RAB3IL1: variants seen among roughly 807,000 people sequenced by gnomAD.
The protein encoded by RAB3IL1 is guanine nucleotide exchange factor for Rab-3A.
Under a neutral mutation model 49.2 loss-of-function variants are expected in RAB3IL1, and 37 were observed. That is an observed-to-expected ratio of 0.75 (90% CI 0.58 to 0.99). The LOEUF is 0.99. Ranked by LOEUF, RAB3IL1 falls within the 50% of genes least tolerant of loss-of-function variation. The pLI is 0.00. For missense variants in RAB3IL1, 484 were observed against 513.0 expected, an observed-to-expected ratio of 0.94 and a Z score of 0.55; for synonymous variants, 193 against 213.9, an observed-to-expected ratio of 0.90 and a Z score of 0.85.
intron 8 of RAB3IL1, among the ~76,000 whole-genome samples, chr11:61,901,685 G>C (rs73491231): frequency 0.019 from 2,899 of 152,308 alleles, 93 homozygotes; most frequent in African/African-American, 0.066. Flanking sequence ...TCTAGAAGCT[G>C]AGGGTGTCCC....
chr11:61,922,313 G>A (rs1035790941), upstream of RAB3IL1, among the ~76,000 whole-genome samples: 7 of 152,070 alleles, frequency 4.6e-5, no homozygotes, highest in Middle Eastern at 3.4e-3. Flanking sequence ...CTCTGAGGTT[G>A]GGAGTTTGAG....
chr11:61,930,306 C>G, the RAB3IL1 span, among the ~76,000 whole-genome samples: 50 of 152,122 alleles, frequency 3.3e-4, no homozygotes, highest in East Asian at 7.9e-3. Context: ...AAAAAATGTT[C>G]TAGAGATGGA....
At chr11:61,926,104 C>CAAAAAAAAAAAAAAAAAAAA in the RAB3IL1 span, among the ~76,000 whole-genome samples, 6 of 64,062 alleles carry the variant, frequency 9.4e-5, no homozygotes, top group African/African-American at 1.8e-4. Flanking sequence ...TCCTTCCTGC[C>CAAAAAAAAAAAAAAAAAAAA]AAAAAAAAAA....
In RAB3IL1 at chr11:61,911,844, G is replaced by A. The variant is rs534739633; in HGVS notation, c.12-3538C>T. 2.0e-5 allele frequency among the ~76,000 whole-genome samples: 3 copies of A among 152,278 alleles called. No homozygotes were observed. The South Asian group carries it at 6.2e-4, about 32-fold the overall frequency. On this transcript the variant is annotated intron_variant, in intron 1 of 9. Transcript: ENST00000394836. Reference sequence around the variant, plus strand: ...AAGGCCCCACGGGTCACTTCCCCAGGAAACACACAACCAAAAGAAAATGCA... The same window carrying A: ...AAGGCCCCACGGGTCACTTCCCCAGAAAACACACAACCAAAAGAAAATGCA...
intron 1 of RAB3IL1, among the ~76,000 whole-genome samples, chr11:61,915,219 G>C (rs1939624964): frequency 6.6e-6 from 1 of 152,158 alleles, no homozygotes; most frequent in Non-Finnish European, 1.5e-5. Context: ...GGTGCATGCA[G>C]GAAGTGAGCC....
the RAB3IL1 span, among the ~76,000 whole-genome samples, chr11:61,930,895 A>G: frequency 2.0e-5 from 3 of 152,242 alleles, no homozygotes; most frequent in South Asian, 6.2e-4. Flanking sequence ...AGATAGATAT[A>G]ACCATCTAAA....
At chr11:61,918,163 A>G (rs1397477838), upstream of RAB3IL1, among the ~76,000 whole-genome samples, 3 of 150,672 alleles carry the variant, frequency 2.0e-5, no homozygotes, top group African/African-American at 4.9e-5. Flanking sequence ...ACACACACAC[A>G]TACACACACC....
chr11:61,944,183 C>CTT, the RAB3IL1 span, among the ~76,000 whole-genome samples: 1 of 151,232 alleles, frequency 6.6e-6, no homozygotes, highest in African/African-American at 2.4e-5. Context: ...TACCTCCTTC[C>CTT]CTTCCTTCCC....
chr11:61,941,015 G>A, the RAB3IL1 span, among the ~76,000 whole-genome samples: 1 of 152,078 alleles, frequency 6.6e-6, no homozygotes, highest in Non-Finnish European at 1.5e-5. Context: ...TTGAGCCTAG[G>A]AATTCAAGGT....
At chr11:61,907,312 G>T in intron 4 of RAB3IL1, 81 bp downstream of exon 4, 1 of 1,456,930 alleles carries the variant, frequency 6.9e-7, no homozygotes, top group Non-Finnish European at 9.5e-7. Context: ...CGTCCACTCG[G>T]GCAGCAAAGC....
In RAB3IL1 at chr11:61,917,358, C is replaced by G; in HGVS notation, c.10G>C (p.Gly4Arg). ...GACCGCGAGCGCGCGCGGACCTACC[C>G]GCTCCACATCCCGGCGCCTCGGGGC... The part of the protein sequence containing the change: MWS[G>R]PPQPDQGLPP... Residue 4 changes from glycine (G) to arginine (R), a missense_variant and splice_region_variant, in exon 1 of 10, where the codon GGC (glycine) becomes CGC (arginine). Gly to Arg is a moderately radical substitution (Grantham distance 125). Coordinates refer to ENST00000394836, the MANE Select transcript of RAB3IL1 (RefSeq NM_013401.4). 1.6e-6 allele frequency: 2 copies of G among 1,272,450 alleles called. No homozygotes were observed. Among genetic ancestry groups the G allele is most frequent in the Non-Finnish European group, 2.0e-6 (2 of 1,010,964 alleles). The allele number at this position is 1,272,450 out of a possible 1,614,324, so 78.8% of individuals were successfully genotyped here.
Position 61,904,736 on chromosome 11 carries a change from G to T in RAB3IL1, c.786+18C>A. Reference sequence around the variant, plus strand: ...AGGGGTGTGTCCCCCAGCTGGCCCCGCCCCTGCCATGCCTCACCTCCTGCA... The same window carrying T: ...AGGGGTGTGTCCCCCAGCTGGCCCCTCCCCTGCCATGCCTCACCTCCTGCA... On this transcript the variant is annotated intron_variant, in intron 6 of 9. Transcript: ENST00000394836. 1 of 1,583,470 alleles carries T rather than the reference G, an allele frequency of 6.3e-7. No individual in the cohort carries two copies. Among genetic ancestry groups the T allele is most frequent in the Non-Finnish European group, 8.6e-7 (1 of 1,166,074 alleles).
chr11:61,918,963 C>A (rs1939823481), upstream of RAB3IL1, among the ~76,000 whole-genome samples: 1 of 152,218 alleles, frequency 6.6e-6, no homozygotes, highest in Admixed American at 6.5e-5. Flanking sequence ...CCTACCCCAC[C>A]CCCAGCCCAG....
Position 61,898,148 on chromosome 11 carries a change from G to A in RAB3IL1, c.*130C>T, listed in dbSNP as rs1938706271. On this transcript the variant is annotated 3_prime_UTR_variant, in exon 10 of 10. Transcript: ENST00000394836. This position sits in a 1 kb window ranked among gnomAD's most constrained non-coding sequence, Gnocchi z 5.1. ...GGTGCTGGCTCAGTGCTGCCTCCATGGCCTGTCTGTCCATCCATTCTGCCT... is the reference window on the plus strand; with the variant it reads ...GGTGCTGGCTCAGTGCTGCCTCCATAGCCTGTCTGTCCATCCATTCTGCCT... 1.2e-6 allele frequency: 1 copy of A among 821,674 alleles called. No homozygotes were observed. The highest frequency in any genetic ancestry group is 1.7e-5 in the African/African-American group (1 of 59,470). 50.9% of individuals were successfully genotyped at this position (821,674 alleles called of 1,614,324 possible).
At chr11:61,916,910 CCTCAACTTGGGAGCCA>C (rs2134362008) in intron 1 of RAB3IL1, among the ~76,000 whole-genome samples, 1 of 152,142 alleles carries the variant, frequency 6.6e-6, no homozygotes. Context: ...GAGGTTCTGC[CCTCAACTTGGGAGCCA>C]CCCTGGCAAA....
chr11:61,921,910 C>T (rs1939916279), upstream of RAB3IL1, among the ~76,000 whole-genome samples: 1 of 152,100 alleles, frequency 6.6e-6, no homozygotes, highest in African/African-American at 2.4e-5. Flanking sequence ...CATTTGTGGC[C>T]AGGTGCGGTG....
At chr11:61,944,854 T>C in the RAB3IL1 span, among the ~76,000 whole-genome samples, 1 of 152,134 alleles carries the variant, frequency 6.6e-6, no homozygotes, top group African/African-American at 2.4e-5. Context: ...TGCGCCACCA[T>C]GCCTGGCTAC....
Position 61,898,183 on chromosome 11 carries a change from G to T in RAB3IL1, c.*95C>A. On this transcript the variant is annotated 3_prime_UTR_variant, in exon 10 of 10. Coordinates refer to ENST00000394836, the MANE Select transcript of RAB3IL1 (RefSeq NM_013401.4). The surrounding 1 kb of genome is among the most constrained non-coding windows in gnomAD (Gnocchi z 5.1). ...TCCATCCATTCTGCCTCTGGCTCAGGGCTGGCTCCAGGCCCCCGTCTCCCT... is the reference window on the plus strand; with the variant it reads ...TCCATCCATTCTGCCTCTGGCTCAGTGCTGGCTCCAGGCCCCCGTCTCCCT... The T allele has an allele frequency of 8.5e-7, 1 of 1,181,124 alleles. No homozygotes were observed. The highest frequency in any genetic ancestry group is 1.2e-6 in the Non-Finnish European group (1 of 813,712). The allele number at this position is 1,181,124 out of a possible 1,614,324, so 73.2% of individuals were successfully genotyped here. A position where few individuals can be genotyped will look rare whatever the true frequency, so the allele number is the denominator to read the frequency against.
rs1939286687 is a variant in RAB3IL1 at position 61,908,036 on chromosome 11, C to A, written c.264+18G>T. 1 of 1,597,640 alleles carries A rather than the reference C, an allele frequency of 6.3e-7. No homozygotes were observed. The highest frequency in any genetic ancestry group is 1.7e-4 in the Middle Eastern group (1 of 6,004). ...CTTCTCCCCACCGAAGACCCCCCAG[C>A]CTACTGCAGGCACCCACCTTCTGCG... is the stretch of plus-strand genomic sequence containing the variant. On this transcript the variant is annotated intron_variant, in intron 2 of 9. Transcript: ENST00000394836.
Sources: allele counts gnomAD v4.1 joint callset (sites outside exome capture counted in the v4.1 genomes callset), GRCh38; gene constraint gnomAD v4.1.1; non-coding constraint Gnocchi (gnomAD v3.1); transcripts MANE v1.5; gene names NCBI Gene and HGNC (gene_info 2026-07-23, HGNC 2026-07-21).